NOP56: variants seen among roughly 807,000 people sequenced by gnomAD.
The protein encoded by NOP56 is NOP56 ribonucleoprotein, also known as nucleolar protein 56.
In NOP56, 31 loss-of-function variants were observed where a neutral mutation model predicts 58.3. That is an observed-to-expected ratio of 0.53 (90% CI 0.40 to 0.72). NOP56 has a LOEUF of 0.72. Among genes scored for constraint, NOP56 ranks in the 30% least tolerant of loss-of-function variants. The pLI, the probability that NOP56 is intolerant of heterozygous loss-of-function variation, is 0.00. For synonymous variants in NOP56, 313 were observed against 282.8 expected (o/e 1.11, Z -1.07); for missense variants, 669 against 739.9 (o/e 0.90, Z 1.11).
At chr20:2,653,150 C>A in intron 2 of NOP56, 129 bp from the exon 3 acceptor site, 1 of 858,286 alleles carries the variant, frequency 1.2e-6, no homozygotes, top group Non-Finnish European at 1.9e-6. Flanking sequence ...ACGATTAAAG[C>A]AGAAGCTGGG....
In NOP56 at chr20:2,652,644, A is replaced by G; in HGVS notation, c.-17A>G. ...GCGCGCTAGCCGCATTGCGAGCCGA[A>G]CCCGGGAGCTGGCGCCATGGTGAGG... On this transcript the variant is annotated 5_prime_UTR_variant, in exon 1 of 12. Coordinates refer to ENST00000329276, the MANE Select transcript of NOP56 (RefSeq NM_006392.4). 4.9e-6 allele frequency: 7 copies of G among 1,416,016 alleles called. No homozygotes were observed. Among genetic ancestry groups the G allele is most frequent in the Non-Finnish European group, 6.4e-6 (7 of 1,093,050 alleles). The allele number at this position is 1,416,016 out of a possible 1,614,324, so 87.7% of individuals were successfully genotyped here.
intron 2 of NOP56, 57 bp from the exon 3 acceptor site, chr20:2,653,222 T>C (rs1378119419): frequency 7.2e-7 from 1 of 1,390,910 alleles, no homozygotes; most frequent in East Asian, 2.3e-5. Flanking sequence ...GCTGCTTGAC[T>C]GCGCCGCAGA....
intron 11 of NOP56, 183 bp from the exon 12 acceptor site, chr20:2,657,746 A>T (rs530750128): frequency 6.0e-6 from 4 of 663,126 alleles, no homozygotes; most frequent in African/African-American, 5.4e-5. Context: ...TTCTCATGAC[A>T]TGTTTTCCTT....
In NOP56 at chr20:2,656,536, C is replaced by T. The variant is rs757694998; in HGVS notation, c.1146C>T (p.Ile382=). ...ACAAATGCAGTATTGCCTCACGAAT[C>T]GATTGCTTCTCTGGTATGGGTGGGG... is the stretch of plus-strand genomic sequence containing the variant. The part of the protein sequence containing the change: ...LANKCSIASR[I]DCFSEVPTSV... Residue 382 remains isoleucine, a synonymous_variant, in exon 9 of 12, where the codon ATC becomes ATT. Coordinates refer to ENST00000329276, the MANE Select transcript of NOP56 (RefSeq NM_006392.4). The T allele has an allele frequency of 3.4e-5, 55 of 1,613,282 alleles. No individual in the cohort carries two copies. Among genetic ancestry groups the T allele is most frequent in the Non-Finnish European group, 4.3e-5 (51 of 1,179,900 alleles).
At chr20:2,655,125 T>C (rs774697456) in intron 5 of NOP56, 178 bp downstream of exon 5, 33 of 1,054,820 alleles carry the variant, frequency 3.1e-5, no homozygotes, top group East Asian at 2.8e-4. Context: ...AAAGAGGAGG[T>C]AGAGTAAACC....
chr20:2,653,561 T>G (rs2086778732), intron 3 of NOP56, 168 bp downstream of exon 3: 2 of 623,650 alleles, frequency 3.2e-6, no homozygotes, highest in Non-Finnish European at 5.7e-6. Flanking sequence ...TTCACAGAGC[T>G]CAAGGTCTGG....
At chr20:2,657,535 G>T in intron 11 of NOP56, 2 of 559,058 alleles carry the variant, frequency 3.6e-6, no homozygotes, top group Middle Eastern at 4.7e-4. Flanking sequence ...GTGTCCGGAG[G>T]TGGTCGTGTT....
At chr20:2,653,030 C>T in intron 2 of NOP56, 99 bp downstream of exon 2, 1 of 1,117,538 alleles carries the variant, frequency 8.9e-7, no homozygotes, top group Non-Finnish European at 1.3e-6. Context: ...CCGAGCGGTT[C>T]GGGGCGGGGG....
In NOP56 at chr20:2,657,157, G is replaced by T. The variant is rs368797562; in HGVS notation, c.1358G>T (p.Arg453Leu). 6.2e-7 allele frequency: 1 copy of T among 1,614,150 alleles called. No individual in the cohort carries two copies. Among genetic ancestry groups the T allele is most frequent in the African/African-American group, 1.3e-5 (1 of 75,040 alleles). The change falls in exon 11 of 12, where the codon CGG becomes CTG. Residue 453 changes from arginine (R) to leucine (L), a missense_variant. Arg to Leu is a moderately radical substitution (Grantham distance 102, BLOSUM62 -2). This residue lies in a region of NOP56 where 209 missense variants were observed against 196.2 expected (regional missense o/e 1.07). Coordinates refer to ENST00000329276, the MANE Select transcript of NOP56 (RefSeq NM_006392.4). ...EKKRLKKEKK[R>L]LAALALASSE... is the part of the protein sequence containing the mutation. ...AAACGCTTAAAGAAGGAAAAGAAAC[G>T]GCTGGCTGCACTTGCCCTCGCGTCT...
chr20:2,654,228 C>G (rs184306161), intron 3 of NOP56, 186 bp from the exon 4 acceptor site: 13 of 775,156 alleles, frequency 1.7e-5, no homozygotes, highest in Non-Finnish European at 3.0e-5. Flanking sequence ...TGATGACTTG[C>G]GAATCAAATC....
Position 2,657,593 on chromosome 20 carries a change from A to G in NOP56, c.1420-336A>G, listed in dbSNP as rs148721392. The G allele has an allele frequency of 6.1e-5, 31 of 504,684 alleles. 1 individual carries two copies. The highest frequency in any genetic ancestry group is 5.5e-4 in the Middle Eastern group (1 of 1,834). The allele number at this position is 504,684 out of a possible 1,614,324, so 31.3% of individuals were successfully genotyped here. On this transcript the variant is annotated intron_variant, in intron 11 of 11. Transcript: ENST00000329276. ...GAGGTCCCCAATGTGCTAAGCTACA[A>G]TCATTCTCCCTGAGATTTTCATTTA...
intron 5 of NOP56, 49 bp downstream of exon 5, chr20:2,654,996 C>T (rs1325816841): frequency 6.2e-7 from 1 of 1,604,840 alleles, no homozygotes; most frequent in African/African-American, 1.3e-5. Context: ...GTCTGTAGTT[C>T]AGTTAATTTT....
At chr20:2,657,406 C>G in intron 11 of NOP56, 188 bp downstream of exon 11, 1 of 887,306 alleles carries the variant, frequency 1.1e-6, no homozygotes, top group Non-Finnish European at 1.8e-6. Context: ...CTCAAGAGCC[C>G]AGAGAGCTGG....
Position 2,655,398 on chromosome 20 carries a change from C to G in NOP56, c.643C>G (p.Gln215Glu). ...CAATGCCACATACTGCCGTCTTGCC[C>G]AGTTTATTGGAAACCGAAGGGAACT... ...NDNATYCRLA[Q>E]FIGNRRELNE... Residue 215 changes from glutamine to glutamate, a missense_variant, in exon 6 of 12, where the codon CAG (glutamine) becomes GAG (glutamate). Coordinates refer to ENST00000329276, the MANE Select transcript of NOP56 (RefSeq NM_006392.4). The G allele has an allele frequency of 6.2e-7, 1 of 1,614,132 alleles. No homozygotes were observed. Among genetic ancestry groups the G allele is most frequent in the Non-Finnish European group, 8.5e-7 (1 of 1,180,042 alleles).
chr20:2,657,424 TCA>T, intron 11 of NOP56: 1 of 779,314 alleles, frequency 1.3e-6, no homozygotes, highest in Non-Finnish European at 2.2e-6. Flanking sequence ...TGGTTGTAGC[TCA>T]CACCCGTTCC....
Position 2,656,866 on chromosome 20 carries a change from C to T in NOP56, c.1252C>T (p.Leu418=). The T allele has an allele frequency of 6.2e-7, 1 of 1,614,136 alleles. No homozygotes were observed. The highest frequency in any genetic ancestry group is 8.5e-7 in the Non-Finnish European group (1 of 1,180,044). The change falls in exon 10 of 12, where the codon CTG becomes TTG. Residue 418 remains leucine (L), a synonymous_variant. Transcript: ENST00000329276. ...GACTGGAGAGATACCACGAAAGAAT[C>T]TGGATGTCATGAAGGAAGCAATGGT... ...YETGEIPRKN[L]DVMKEAMVQA... is the part of the protein sequence containing the mutation.
rs1568540126 is a variant in NOP56 at position 2,653,295 on chromosome 20, T to C, written c.110T>C (p.Leu37Pro). The change falls in exon 3 of 12, where the codon CTC (leucine) becomes CCC (proline). Residue 37 changes from leucine to proline, a missense_variant. By Grantham distance (98) the Leu-to-Pro change is moderately conservative. Transcript: ENST00000329276. ...LLQPQVEESV[L>P]NLGKFHSIVR... The stretch of plus-strand genomic sequence containing the variant: ...TCCCCCCAGGTGGAGGAGTCTGTGC[T>C]CAACCTGGGCAAATTCCACAGCATC... The C allele has an allele frequency of 1.9e-6, 3 of 1,614,116 alleles. No homozygotes were observed. The highest frequency in any genetic ancestry group is 2.5e-6 in the Non-Finnish European group (3 of 1,180,000).
rs73576048 is a variant in NOP56, at chr20:2,653,219, G to T, written c.94-60G>T. ...CTTCCAAGGCTGAGAACCGCTGCTT[G>T]ACTGCGCCGCAGAGGCAGGAGGGAG... On this transcript the variant is annotated intron_variant, in intron 2 of 11. Transcript: ENST00000329276. The T allele has an allele frequency of 2.3e-3, 3,088 of 1,364,270 alleles. 71 individuals are homozygous for T. In the African/African-American group the frequency reaches 0.039, roughly 17 times the overall value. 84.5% of individuals were successfully genotyped at this position (1,364,270 alleles called of 1,614,324 possible). A position where few individuals can be genotyped will look rare whatever the true frequency, so the allele number is the denominator to read the frequency against.
rs2086852051 is a variant in NOP56, at chr20:2,658,079, G to A, written c.1570G>A (p.Glu524Lys). 1.9e-6 allele frequency: 3 copies of A among 1,614,138 alleles called. No individual in the cohort carries two copies. Among genetic ancestry groups the A allele is most frequent in the Middle Eastern group, 1.6e-4 (1 of 6,062 alleles). The change falls in exon 12 of 12, where the codon GAG becomes AAG. Residue 524 changes from glutamate to lysine, a missense_variant. Coordinates refer to ENST00000329276, the MANE Select transcript of NOP56 (RefSeq NM_006392.4). ...KEELMSSDLE[E>K]TAGSTSIPKR... ...GGAGTTGATGAGTAGCGATCTTGAAGAGACCGCTGGCAGCACCAGTATTCC... is the reference window on the plus strand; with the variant it reads ...GGAGTTGATGAGTAGCGATCTTGAAAAGACCGCTGGCAGCACCAGTATTCC...
Sources: gnomAD v4.1 joint callset for allele counts on GRCh38, gnomAD v4.1.1 for gene constraint, gnomAD v4.1.1 regional missense constraint, MANE v1.5 for transcripts, NCBI Gene and HGNC (gene_info 2026-07-23, HGNC 2026-07-21) for gene names.